The following KCNJ12 variants were observed in gnomAD, a reference collection of about 807,000 sequenced individuals.
KCNJ12 encodes potassium inwardly rectifying channel subfamily J member 12, also known as ATP-sensitive inward rectifier potassium channel 12.
Under a neutral mutation model 22.3 loss-of-function variants are expected in KCNJ12, and 2 were observed. The ratio of observed to expected loss-of-function variants is 0.09; its 90% CI spans 0.04 to 0.28. The LOEUF is 0.28. Among genes scored for constraint, KCNJ12 ranks in the 10% least tolerant of loss-of-function variants. The probability of loss-of-function intolerance (pLI) is 1.00; values close to 1 mark genes in which losing one functional copy is unlikely to be tolerated. For missense variants in KCNJ12, 155 were observed against 633.3 expected, an observed-to-expected ratio of 0.24 and a Z score of 8.11; for synonymous variants, 117 against 261.4, an observed-to-expected ratio of 0.45 and a Z score of 5.33.
intron 1 of KCNJ12, among the ~76,000 whole-genome samples, chr17:21,384,770 G>GTTTTTTT (rs200586129): frequency 3.9e-5 from 5 of 128,664 alleles, no homozygotes; most frequent in East Asian, 2.2e-4. Context: ...TTGTTTGTTT[G>GTTTTTTT]TTTTTTTTTT....
At chr17:21,388,446 G>A (rs1555558938) in intron 1 of KCNJ12, among the ~76,000 whole-genome samples, 1 of 152,194 alleles carries the variant, frequency 6.6e-6, no homozygotes, top group Admixed American at 6.5e-5. Context: ...TCTGGAGGTG[G>A]GTGTAGGTGG....
chr17:21,379,190 C>T (rs782339045), intron 1 of KCNJ12, among the ~76,000 whole-genome samples: 2 of 152,234 alleles, frequency 1.3e-5, no homozygotes. Flanking sequence ...GCACTGGGGC[C>T]GGTTCTGCCT....
At chr17:21,405,889 C>T (rs1434806857) in intron 1 of KCNJ12, among the ~76,000 whole-genome samples, 1 of 152,312 alleles carries the variant, frequency 6.6e-6, no homozygotes, top group Non-Finnish European at 1.5e-5. Context: ...CTTCTCTGCT[C>T]TACGTCTCAG....
chr17:21,379,668 G>T (rs1555557705), intron 1 of KCNJ12, among the ~76,000 whole-genome samples: 1 of 152,194 alleles, frequency 6.6e-6, no homozygotes, highest in African/African-American at 2.4e-5. Flanking sequence ...CGGGATGGCT[G>T]TGCCGGGAAC....
At chr17:21,385,949 C>T (rs927901399) in intron 1 of KCNJ12, among the ~76,000 whole-genome samples, 6 of 152,240 alleles carry the variant, frequency 3.9e-5, no homozygotes, top group Admixed American at 6.5e-5. Flanking sequence ...CAAACCCACA[C>T]GCCTACCATT....
At chr17:21,389,217 C>T (rs1905148265) in intron 1 of KCNJ12, among the ~76,000 whole-genome samples, 1 of 152,170 alleles carries the variant, frequency 6.6e-6, no homozygotes, top group Non-Finnish European at 1.5e-5. Flanking sequence ...AGGGACTGCC[C>T]AGAGTCTTGC....
At chr17:21,395,568 C>CAAAAAAAAAA (rs10652801) in intron 1 of KCNJ12, among the ~76,000 whole-genome samples, 24 of 48,126 alleles carry the variant, frequency 5.0e-4, no homozygotes, top group East Asian at 9.7e-4. Flanking sequence ...GACTTCTTCT[C>CAAAAAAAAAA]AAAAAAAAAA....
intron 2 of KCNJ12, among the ~76,000 whole-genome samples, chr17:21,414,856 G>A (rs73313912): frequency 1.1e-4 from 16 of 151,904 alleles, no homozygotes; most frequent in South Asian, 4.2e-4. Flanking sequence ...GGGGCCTCTG[G>A]CATTGAGCAG....
At chr17:21,379,995 G>T (rs1555557742) in intron 1 of KCNJ12, among the ~76,000 whole-genome samples, 1 of 152,180 alleles carries the variant, frequency 6.6e-6, no homozygotes, top group African/African-American at 2.4e-5. Context: ...GGAGGCACCA[G>T]CCTGTGGGGC....
intron 1 of KCNJ12, among the ~76,000 whole-genome samples, chr17:21,380,992 G>A (rs1017006013): frequency 3.9e-5 from 6 of 152,204 alleles, no homozygotes; most frequent in African/African-American, 1.2e-4. Context: ...AGACCTTGGG[G>A]ACCCCCGCCC....
chr17:21,403,858 G>A (rs1905775134), intron 1 of KCNJ12, among the ~76,000 whole-genome samples: 1 of 152,310 alleles, frequency 6.6e-6, no homozygotes, highest in African/African-American at 2.4e-5. Context: ...TATGTGGCTT[G>A]CCCAAGGCCA....
At chr17:21,412,634 C>T (rs540340730) in intron 2 of KCNJ12, among the ~76,000 whole-genome samples, 1 of 152,416 alleles carries the variant, frequency 6.6e-6, no homozygotes, top group South Asian at 2.1e-4. Flanking sequence ...CTCAGGGGTC[C>T]CCCCTGCTGC....
rs1279704211 is a variant in KCNJ12 at position 21,376,641 on chromosome 17, C to G, written c.-451C>G. 6.6e-6 allele frequency: 1 copy of G among 151,690 alleles called. No homozygotes were observed. Among genetic ancestry groups the G allele is most frequent in the Non-Finnish European group, 1.5e-5 (1 of 67,900 alleles). The allele number at this position is 151,690 out of a possible 1,614,324, so 9.4% of individuals were successfully genotyped here. A position where few individuals can be genotyped will look rare whatever the true frequency, so the allele number is the denominator to read the frequency against. On this transcript the variant is annotated 5_prime_UTR_variant, in exon 1 of 3. Coordinates refer to ENST00000583088, the MANE Select transcript of KCNJ12 (RefSeq NM_021012.5). The surrounding 1 kb of genome is among the most constrained non-coding windows in gnomAD (Gnocchi z 5.3). Reference sequence around the variant, plus strand: ...GGGGTGGGCCGGCCGTGCTCACAGCCGGACCGAGGGACCGACGCCAGCCGC... The same window carrying G: ...GGGGTGGGCCGGCCGTGCTCACAGCGGGACCGAGGGACCGACGCCAGCCGC...
chr17:21,406,913 C>T (rs1240116956), intron 1 of KCNJ12, among the ~76,000 whole-genome samples: 12 of 152,296 alleles, frequency 7.9e-5, no homozygotes, highest in African/African-American at 2.9e-4. Context: ...TTCCCACCAA[C>T]CTCTTCTCTG....
chr17:21,405,759 G>A (rs1363200203), intron 1 of KCNJ12, among the ~76,000 whole-genome samples: 1 of 152,296 alleles, frequency 6.6e-6, no homozygotes, highest in African/African-American at 2.4e-5. Flanking sequence ...GACTTGGCGG[G>A]GTGAGCTCAC....
intron 1 of KCNJ12, among the ~76,000 whole-genome samples, chr17:21,397,424 G>A (rs915434304): frequency 2.0e-5 from 3 of 152,148 alleles, no homozygotes; most frequent in African/African-American, 7.2e-5. Flanking sequence ...GATCACCGGC[G>A]GTTTCATCCC....
chr17:21,413,748 G>A (rs1282094273), intron 2 of KCNJ12, among the ~76,000 whole-genome samples: 3 of 152,428 alleles, frequency 2.0e-5, no homozygotes, highest in East Asian at 1.9e-4. Flanking sequence ...GCACGTCAGT[G>A]GCTGAGAGCA....
At chr17:21,400,549 A>C (rs1905547466) in intron 1 of KCNJ12, among the ~76,000 whole-genome samples, 1 of 152,298 alleles carries the variant, frequency 6.6e-6, no homozygotes. Flanking sequence ...TTTGGTGCTC[A>C]GGAAAGACTT....
At position 21,416,139 on chromosome 17, in the gene KCNJ12, C is replaced by T. The variant is rs144590967; in HGVS notation, c.797C>T (p.Ser266Leu). The T allele has an allele frequency of 5.6e-6, 9 of 1,613,440 alleles. No homozygotes were observed. Among genetic ancestry groups the T allele is most frequent in the Non-Finnish European group, 7.6e-6 (9 of 1,179,622 alleles). ...GGCCTGGACCGCATCTTTCTGGTGT[C>T]GCCCATCACCATCTTGCATGAGATT... Reference protein sequence around the residue: ...DKGLDRIFLVSPITILHEIDE... With the variant: ...DKGLDRIFLVLPITILHEIDE... The change falls in exon 3 of 3, where the codon TCG becomes TTG. Residue 266 changes from serine to leucine, a missense_variant. Ser to Leu is a moderately radical substitution (Grantham distance 145). Transcript: ENST00000583088.
Sources: allele counts gnomAD v4.1 joint callset (sites outside exome capture counted in the v4.1 genomes callset), GRCh38; gene constraint gnomAD v4.1.1; non-coding constraint Gnocchi (gnomAD v3.1); transcripts MANE v1.5; gene names NCBI Gene and HGNC (gene_info 2026-07-23, HGNC 2026-07-21).